Variants in COL27A1 observed in about 807,000 individuals in gnomAD.
COL27A1 encodes the protein collagen alpha-1(XXVII) chain.
COL27A1 carries 106 observed loss-of-function variants against 251.3 expected under a neutral mutation model. That is an observed-to-expected ratio of 0.42 (90% CI 0.36 to 0.50). The LOEUF is 0.50. Ranked by LOEUF, COL27A1 falls within the 20% of genes least tolerant of loss-of-function variation. The pLI, the probability that COL27A1 is intolerant of heterozygous loss-of-function variation, is 0.00. For missense variants in COL27A1, 2,325 were observed against 2,522.8 expected (o/e 0.92, Z 1.68); for synonymous variants, 1,000 against 986.3 (o/e 1.01, Z -0.26).
intron 3 of COL27A1, among the ~76,000 whole-genome samples, chr9:114,177,058 CT>C (rs369664329): frequency 3.9e-4 from 59 of 152,340 alleles, no homozygotes; most frequent in African/African-American, 1.4e-3. Flanking sequence ...CCTTCAAAGG[CT>C]GCAGGCACAG....
intron 38 of COL27A1, 48 bp downstream of exon 38, chr9:114,282,378 C>T (rs370896228): frequency 1.7e-4 from 268 of 1,608,482 alleles, no homozygotes; most frequent in Non-Finnish European, 2.2e-4. Flanking sequence ...TCCCCCGCAT[C>T]CCTTCCCCAC....
At chr9:114,249,586 CTG>C (rs1389141191) in intron 24 of COL27A1, among the ~76,000 whole-genome samples, 2 of 152,318 alleles carry the variant, frequency 1.3e-5, no homozygotes, top group Non-Finnish European at 1.5e-5. Flanking sequence ...CACTTTAAAA[CTG>C]TCTTTAGATA....
chr9:114,169,029 G>A lies in COL27A1; in HGVS notation c.1474G>A (p.Ala492Thr), dbSNP rs765973811. The change falls in exon 3 of 61, where the codon GCC becomes ACC. Residue 492 changes from alanine to threonine, a missense_variant. Physicochemically the swap from Ala to Thr is moderately conservative, Grantham distance 58. This residue lies in a region of COL27A1 where 1,183 missense variants were observed against 1,144.1 expected (regional missense o/e 1.03). Coordinates refer to ENST00000356083, the MANE Select transcript of COL27A1 (RefSeq NM_032888.4). ...ATTTACTGCTTTATCCTCATCTCCTGCCCCTACTCCTGGTTCTACCAGGAG... is the reference window on the plus strand; with the variant it reads ...ATTTACTGCTTTATCCTCATCTCCTACCCCTACTCCTGGTTCTACCAGGAG... ...PPFTALSSSP[A>T]PTPGSTRSTR... 4 of 1,613,794 alleles carry A rather than the reference G, an allele frequency of 2.5e-6. No individual in the cohort carries two copies. In the African/African-American group the frequency reaches 5.3e-5, roughly 22 times the overall value.
At chr9:114,308,071 G>A (rs1473737267) in intron 59 of COL27A1, among the ~76,000 whole-genome samples, 1 of 152,248 alleles carries the variant, frequency 6.6e-6, no homozygotes, top group East Asian at 1.9e-4. Context: ...GGCCTGGCTT[G>A]TGGAACTATG....
chr9:114,302,083 G>A lies in COL27A1; in HGVS notation c.4847G>A (p.Gly1616Asp). 1 of 1,612,704 alleles carries A rather than the reference G, an allele frequency of 6.2e-7. No individual in the cohort carries two copies. Among genetic ancestry groups the A allele is most frequent in the Non-Finnish European group, 8.5e-7 (1 of 1,178,730 alleles). The change falls in exon 56 of 61, where the codon GGT becomes GAT. Residue 1616 changes from glycine (G) to aspartate (D), a missense_variant and splice_region_variant. Gly to Asp is a moderately conservative substitution (Grantham distance 94). Transcript: ENST00000356083. ...CTGACCCGCAGTCTTCTTTTGCAGG[G>A]TCCTCCAGGGGGTCCTATCCAATTG... ...PGPRGRPGPP[G>D]PPGGPIQLQQ...
intron 14 of COL27A1, 86 bp downstream of exon 14, chr9:114,222,353 T>C: frequency 3.8e-6 from 5 of 1,306,524 alleles, no homozygotes; most frequent in Non-Finnish European, 5.4e-6. Context: ...GAGCAGGCCC[T>C]GCAGGGGAGG....
In COL27A1 at chr9:114,275,746, C is replaced by T; in HGVS notation, c.3695C>T (p.Pro1232Leu). Residue 1232 changes from proline to leucine, a missense_variant, in exon 37 of 61, where the codon CCC (proline) becomes CTC (leucine). Coordinates refer to ENST00000356083, the MANE Select transcript of COL27A1 (RefSeq NM_032888.4). Reference sequence around the variant, plus strand: ...ATGGGTGAGGACGGGCCCCCCGGCCCCCCTGGCGTCACTGGTGTCCGGGTG... The same window carrying T: ...ATGGGTGAGGACGGGCCCCCCGGCCTCCCTGGCGTCACTGGTGTCCGGGTG... ...GLMGEDGPPG[P>L]PGVTGVRGPE... 1 of 1,548,638 alleles carries T rather than the reference C, an allele frequency of 6.5e-7. No individual in the cohort carries two copies. The highest frequency in any genetic ancestry group is 8.7e-7 in the Non-Finnish European group (1 of 1,146,498).
intron 56 of COL27A1, among the ~76,000 whole-genome samples, chr9:114,303,915 C>T (rs1001625328): frequency 3.3e-5 from 5 of 152,230 alleles, no homozygotes; most frequent in Admixed American, 6.5e-5. Context: ...TCAGAAGCTT[C>T]GGGAGAGGCT....
At chr9:114,211,914 T>C (rs1830393584) in intron 12 of COL27A1, among the ~76,000 whole-genome samples, 2 of 152,294 alleles carry the variant, frequency 1.3e-5, no homozygotes, top group South Asian at 4.1e-4. Context: ...CTTGGAACCA[T>C]GGTCAGACCA....
chr9:114,300,708 C>G (rs1285891249), intron 51 of COL27A1, 21 bp downstream of exon 51: 1 of 1,489,376 alleles, frequency 6.7e-7, no homozygotes. Context: ...TCCCTGCTGT[C>G]GGAGCAGAGA....
chr9:114,187,879 G>C (rs2135205125), intron 5 of COL27A1, among the ~76,000 whole-genome samples: 1 of 152,244 alleles, frequency 6.6e-6, no homozygotes, highest in South Asian at 2.1e-4. Flanking sequence ...GTAAATGTTA[G>C]AATATCTCCA....
At chr9:114,241,306 C>T (rs1832737247) in intron 21 of COL27A1, among the ~76,000 whole-genome samples, 2 of 152,248 alleles carry the variant, frequency 1.3e-5, no homozygotes, top group Admixed American at 6.5e-5. Context: ...TCACCGCGAC[C>T]GCAGGCGGGC....
At chr9:114,206,353 C>G in intron 10 of COL27A1, 57 bp downstream of exon 10, 1 of 1,543,450 alleles carries the variant, frequency 6.5e-7, no homozygotes, top group Non-Finnish European at 9.0e-7. Flanking sequence ...CATCACCTGT[C>G]CCTCCAGTGG....
intron 1 of COL27A1, among the ~76,000 whole-genome samples, chr9:114,158,260 A>G (rs1315873648): frequency 2.0e-5 from 3 of 152,182 alleles, no homozygotes; most frequent in African/African-American, 7.2e-5. Flanking sequence ...CCTGGGTCTC[A>G]GCTCAGAGCC....
In COL27A1 at chr9:114,292,258, C is replaced by T. The variant is rs1179712095; in HGVS notation, c.4584+48C>T. Reference sequence around the variant, plus strand: ...ACATGCCCACGCACTCACACATGCACACACTCACATACACCTACATGTACA... The same window carrying T: ...ACATGCCCACGCACTCACACATGCATACACTCACATACACCTACATGTACA... On this transcript the variant is annotated intron_variant, in intron 49 of 60. Transcript: ENST00000356083. The T allele has an allele frequency of 6.5e-6, 9 of 1,377,918 alleles. No homozygotes were observed. In the East Asian group the frequency reaches 1.2e-4, roughly 19 times the overall value. The allele number at this position is 1,377,918 out of a possible 1,614,324, so 85.4% of individuals were successfully genotyped here. A position where few individuals can be genotyped will look rare whatever the true frequency, so the allele number is the denominator to read the frequency against.
chr9:114,234,938 G>C (rs957605994), intron 16 of COL27A1, among the ~76,000 whole-genome samples: 3 of 151,510 alleles, frequency 2.0e-5, no homozygotes, highest in Admixed American at 6.6e-5. Context: ...AATTAGCTGG[G>C]CGTGGTGGCA....
intron 3 of COL27A1, among the ~76,000 whole-genome samples, chr9:114,173,201 C>A (rs1203342599): frequency 6.7e-6 from 1 of 149,114 alleles, no homozygotes; most frequent in Non-Finnish European, 1.5e-5. Context: ...TGCACAGAAG[C>A]CCCACGCCTG....
chr9:114,184,594 G>A (rs1828188102), intron 5 of COL27A1, among the ~76,000 whole-genome samples: 1 of 152,220 alleles, frequency 6.6e-6, no homozygotes, highest in African/African-American at 2.4e-5. Flanking sequence ...GCCTGGAGGT[G>A]CTCTGGGCTT....
Position 114,289,311 on chromosome 9 carries a change from G to GA in COL27A1, c.4206+16_4206+17insA. ...AGGCGCAGAGGTAAGAGGGCCGGGG[G>GA]TTCAGCAGGGAGACTGAGTCCCAGG... On this transcript the variant is annotated intron_variant, in intron 45 of 60. Coordinates refer to ENST00000356083, the MANE Select transcript of COL27A1 (RefSeq NM_032888.4). 1 of 1,565,270 alleles carries GA rather than the reference G, an allele frequency of 6.4e-7. No homozygotes were observed. Among genetic ancestry groups the GA allele is most frequent in the Non-Finnish European group, 8.6e-7 (1 of 1,160,696 alleles).
Sources: gnomAD v4.1 joint callset for allele counts (sites outside exome capture counted in the v4.1 genomes callset) on GRCh38, gnomAD v4.1.1 for gene constraint, gnomAD v4.1.1 regional missense constraint, MANE v1.5 for transcripts, NCBI Gene and HGNC (gene_info 2026-07-23, HGNC 2026-07-21) for gene names.